SYN3: variants seen among roughly 807,000 people sequenced by gnomAD.
SYN3 encodes synapsin-3.
Under a neutral mutation model 65.8 loss-of-function variants are expected in SYN3, and 35 were observed. The ratio of observed to expected loss-of-function variants is 0.53; its 90% confidence interval spans 0.41 to 0.70. The LOEUF (loss-of-function observed/expected upper bound fraction) is 0.70. Ranked by LOEUF, SYN3 falls within the 30% of genes least tolerant of loss-of-function variation. The probability of loss-of-function intolerance (pLI) is 0.00; values close to 1 mark genes in which losing one functional copy is unlikely to be tolerated. For missense variants in SYN3, 680 were observed against 749.0 expected (o/e 0.91, Z 1.08); for synonymous variants, 270 against 292.9 (o/e 0.92, Z 0.80).
chr22:32,953,827 TC>T (rs2051363558), intron 3 of SYN3, among the ~76,000 whole-genome samples: 1 of 152,056 alleles, frequency 6.6e-6, no homozygotes, highest in South Asian at 2.1e-4. Context: ...CTCCTCCTCA[TC>T]CCCCTCCTCC....
At chr22:32,927,304 C>A (rs1024942632) in intron 4 of SYN3, among the ~76,000 whole-genome samples, 1 of 150,368 alleles carries the variant, frequency 6.7e-6, no homozygotes, top group African/African-American at 2.4e-5. Flanking sequence ...TTCTCTGTCA[C>A]CCAGGCTAAA....
At chr22:32,947,868 C>G (rs537197544) in intron 3 of SYN3, among the ~76,000 whole-genome samples, 1 of 152,302 alleles carries the variant, frequency 6.6e-6, no homozygotes, top group East Asian at 1.9e-4. Context: ...TTCTGTGTTG[C>G]ACATGGCCCA....
chr22:32,895,473 A>G (rs1005066618), intron 4 of SYN3, among the ~76,000 whole-genome samples: 2 of 152,224 alleles, frequency 1.3e-5, no homozygotes, highest in African/African-American at 2.4e-5. Context: ...TACAGACAGT[A>G]TAGTATTGAG....
intron 1 of SYN3, among the ~76,000 whole-genome samples, chr22:33,017,396 A>AT (rs1197406488): frequency 5.9e-5 from 9 of 152,128 alleles, no homozygotes; most frequent in Non-Finnish European, 7.4e-5. Context: ...AAATTTTAGG[A>AT]TTTTTTTATT....
intron 1 of SYN3, among the ~76,000 whole-genome samples, chr22:33,054,820 A>G (rs775675899): frequency 2.6e-5 from 4 of 152,222 alleles, no homozygotes; most frequent in Non-Finnish European, 4.4e-5. Context: ...TCACTTACTG[A>G]TGGAGCTGCC....
At chr22:32,762,934 CACTT>C (rs1308233731) in intron 6 of SYN3, among the ~76,000 whole-genome samples, 3 of 152,178 alleles carry the variant, frequency 2.0e-5, no homozygotes, top group African/African-American at 7.2e-5. Flanking sequence ...TTACTCTAGA[CACTT>C]AGGAGCAAGG....
chr22:32,575,656 G>A (rs566688542), intron 7 of SYN3, among the ~76,000 whole-genome samples: 45 of 152,258 alleles, frequency 3.0e-4, no homozygotes, highest in African/African-American at 1.1e-3. Context: ...TCATTAAATA[G>A]GATTCTATTT....
chr22:32,814,166 G>C (rs1359360281), intron 6 of SYN3, among the ~76,000 whole-genome samples: 1 of 102,708 alleles, frequency 9.7e-6, no homozygotes, highest in Non-Finnish European at 1.9e-5. Flanking sequence ...GAGAGAGAGA[G>C]AAAGAGAAAG....
chr22:32,760,675 G>A (rs552601134), intron 6 of SYN3, among the ~76,000 whole-genome samples: 1 of 152,094 alleles, frequency 6.6e-6, no homozygotes, highest in Non-Finnish European at 1.5e-5. Flanking sequence ...CAGGCTCTGA[G>A]GGTGGGGCTC....
At chr22:32,722,168 G>T (rs988290633) in intron 6 of SYN3, among the ~76,000 whole-genome samples, 1 of 152,134 alleles carries the variant, frequency 6.6e-6, no homozygotes, top group African/African-American at 2.4e-5. Context: ...TTTAAGCAGG[G>T]AGTTGATGAA....
At chr22:32,802,511 T>TA (rs879693641) in intron 6 of SYN3, among the ~76,000 whole-genome samples, 3,883 of 137,702 alleles carry the variant, frequency 0.028, 58 homozygotes, top group African/African-American at 0.037. Context: ...ATTGAATAGT[T>TA]AAAAAAAAAA....
At chr22:32,916,413 AAAT>A (rs1329764267) in intron 4 of SYN3, among the ~76,000 whole-genome samples, 7 of 152,252 alleles carry the variant, frequency 4.6e-5, no homozygotes, top group African/African-American at 1.7e-4. Flanking sequence ...TCCAGAAAGG[AAAT>A]AATTACTGTC....
chr22:32,627,526 C>T (rs572715364), intron 6 of SYN3, among the ~76,000 whole-genome samples: 177 of 152,236 alleles, frequency 1.2e-3, no homozygotes, highest in Non-Finnish European at 1.4e-3. Flanking sequence ...CAGGGACACA[C>T]CCAGAAGCTG....
chr22:32,628,150 A>G (rs1224816942), intron 6 of SYN3, among the ~76,000 whole-genome samples: 1 of 152,126 alleles, frequency 6.6e-6, no homozygotes, highest in African/African-American at 2.4e-5. Flanking sequence ...CCAGGGGTCC[A>G]GGGAGCCTGC....
intron 4 of SYN3, among the ~76,000 whole-genome samples, chr22:32,878,591 G>T (rs147162182): frequency 6.6e-6 from 1 of 152,340 alleles, no homozygotes; most frequent in East Asian, 1.9e-4. Flanking sequence ...CCATGGTTGA[G>T]TGAGGTGGGC....
rs71187216 is a variant in SYN3, at chr22:32,780,934, TTTCCTTCC to T, written c.711+83973_711+83980del. ...CTTGCTTCCTTCCTTCCTTCCTTCC[TTTCCTTCC>T]TTCCTTCCTTCCTTCCTTCCTTCCT... is the stretch of plus-strand genomic sequence containing the variant. On this transcript the variant is annotated intron_variant, in intron 6 of 13. Transcript: ENST00000358763. Among the ~76,000 whole-genome samples the T allele has an allele frequency of 9.2e-3, 761 of 82,656 alleles. 9 individuals are homozygous for T. The highest frequency in any genetic ancestry group is 0.027 in the East Asian group (75 of 2,728). The allele number at this position is 82,656 out of a possible 152,430, so 54.2% of individuals were successfully genotyped here. A position where few individuals can be genotyped will look rare whatever the true frequency, so the allele number is the denominator to read the frequency against.
At chr22:32,988,307 A>AAATAATAAAATAAT (rs1556084687) in intron 2 of SYN3, among the ~76,000 whole-genome samples, 13 of 142,582 alleles carry the variant, frequency 9.1e-5, no homozygotes, top group African/African-American at 3.4e-4. Context: ...CTCTGTCTCA[A>AAATAATAAAATAAT]AATAATAATA....
chr22:32,947,877 C>G (rs1433659201), intron 3 of SYN3, among the ~76,000 whole-genome samples: 25 of 152,108 alleles, frequency 1.6e-4, no homozygotes, highest in Non-Finnish European at 1.5e-5. Flanking sequence ...GCACATGGCC[C>G]AAATCAAGGT....
At chr22:32,604,744 G>A (rs2059343719) in intron 6 of SYN3, among the ~76,000 whole-genome samples, 1 of 152,118 alleles carries the variant, frequency 6.6e-6, no homozygotes, top group South Asian at 2.1e-4. Flanking sequence ...GGTGGCTCAC[G>A]CCTGTAATCC....
Sources: allele counts gnomAD v4.1 joint callset (sites outside exome capture counted in the v4.1 genomes callset), GRCh38; gene constraint gnomAD v4.1.1; transcripts MANE v1.5; gene names NCBI Gene and HGNC (gene_info 2026-07-23, HGNC 2026-07-21).